Variants in DKK1 observed in about 807,000 individuals in gnomAD.
DKK1 encodes the protein dickkopf-related protein 1.
DKK1 carries 18 observed loss-of-function variants against 26.0 expected under a neutral mutation model. The ratio of observed to expected loss-of-function variants is 0.69; its 90% confidence interval spans 0.48 to 1.03. The LOEUF (loss-of-function observed/expected upper bound fraction) is 1.03, where lower values mean the gene tolerates loss of function less well. Among genes scored for constraint, DKK1 ranks in the 50% least tolerant of loss-of-function variants. DKK1 has a pLI of 0.00. For synonymous variants in DKK1, 130 were observed against 132.6 expected, an observed-to-expected ratio of 0.98 and a Z score of 0.13; for missense variants, 335 against 348.5, an observed-to-expected ratio of 0.96 and a Z score of 0.31.
At position 52,314,501 on chromosome 10, in the gene DKK1, G is replaced by A. The variant is rs1842596176; in HGVS notation, c.67G>A (p.Gly23Ser). 1.2e-6 allele frequency: 2 copies of A among 1,613,546 alleles called. No individual in the cohort carries two copies. The highest frequency in any genetic ancestry group is 1.7e-6 in the Non-Finnish European group (2 of 1,180,030). ...FVAMVAAALG[G>S]HPLLGVSATL... ...CGCGATGGTAGCGGCGGCTCTCGGC[G>A]GCCACCCTCTGCTGGGAGTGAGCGC... Residue 23 changes from glycine (G) to serine (S), a missense_variant, in exon 1 of 4, where the codon GGC (glycine) becomes AGC (serine). Physicochemically the swap from Gly to Ser is moderately conservative, Grantham distance 56 (BLOSUM62 0). Transcript: ENST00000373970. This position sits in a 1 kb window ranked among gnomAD's most constrained non-coding sequence, Gnocchi z 5.7.
Position 52,315,098 on chromosome 10 carries a change from A to C in DKK1, c.406+13A>C. 8.0e-6 allele frequency: 10 copies of C among 1,253,034 alleles called. No individual in the cohort carries two copies. The South Asian group carries it at 1.4e-4, about 18-fold the overall frequency. 77.6% of individuals were successfully genotyped at this position (1,253,034 alleles called of 1,614,324 possible). On this transcript the variant is annotated intron_variant, in intron 2 of 3. Coordinates refer to ENST00000373970, the MANE Select transcript of DKK1 (RefSeq NM_012242.4). ...TACTGCAAAAATGGTGAGTCCTGAAAGCTCCCTTTCACACTAAAACTGTCC... is the reference window on the plus strand; with the variant it reads ...TACTGCAAAAATGGTGAGTCCTGAACGCTCCCTTTCACACTAAAACTGTCC...
intron 2 of DKK1, 188 bp downstream of exon 2, chr10:52,315,273 T>C: frequency 2.0e-6 from 1 of 512,694 alleles, no homozygotes; most frequent in South Asian, 7.0e-5. Flanking sequence ...AAGTGTTTAA[T>C]CGGGAAGAAG....
chr10:52,316,930 A>T lies in DKK1; in HGVS notation c.*123A>T, dbSNP rs571514241. ...TGTGGTTTCAGTTAAGCATTCCAATAACACCTTCCAAAAACCTGGAGTGTA... is the reference window on the plus strand; with the variant it reads ...TGTGGTTTCAGTTAAGCATTCCAATTACACCTTCCAAAAACCTGGAGTGTA... On this transcript the variant is annotated 3_prime_UTR_variant, in exon 4 of 4. Coordinates refer to ENST00000373970, the MANE Select transcript of DKK1 (RefSeq NM_012242.4). 462 of 1,126,234 alleles carry T rather than the reference A, an allele frequency of 4.1e-4. 1 individual carries two copies. Among genetic ancestry groups the T allele is most frequent in the Non-Finnish European group, 5.5e-4 (439 of 800,830 alleles). The allele number at this position is 1,126,234 out of a possible 1,614,324, so 69.8% of individuals were successfully genotyped here.
At position 52,314,716 on chromosome 10, in the gene DKK1, G is replaced by C; in HGVS notation, c.243+39G>C. On this transcript the variant is annotated intron_variant, in intron 1 of 3. Coordinates refer to ENST00000373970, the MANE Select transcript of DKK1 (RefSeq NM_012242.4). This position sits in a 1 kb window ranked among gnomAD's most constrained non-coding sequence, Gnocchi z 5.7. Reference sequence around the variant, plus strand: ...GGCACTCAGAGGATGCTCTGACCTTGAAAGGGTCCTATCTGGAGACGAGGG... The same window carrying C: ...GGCACTCAGAGGATGCTCTGACCTTCAAAGGGTCCTATCTGGAGACGAGGG... The C allele has an allele frequency of 1.2e-6, 2 of 1,604,770 alleles. No homozygotes were observed. The highest frequency in any genetic ancestry group is 1.7e-6 in the Non-Finnish European group (2 of 1,174,878).
In DKK1 at chr10:52,317,162, G is replaced by A. The variant is rs533166613; in HGVS notation, c.*355G>A. 104 of 210,058 alleles carry A rather than the reference G, an allele frequency of 5.0e-4. No individual in the cohort carries two copies. Among genetic ancestry groups the A allele is most frequent in the African/African-American group, 2.1e-3 (90 of 42,670 alleles). 13.0% of individuals were successfully genotyped at this position (210,058 alleles called of 1,614,324 possible). A position where few individuals can be genotyped will look rare whatever the true frequency, so the allele number is the denominator to read the frequency against. ...GACAAATATTCTATATTGAACTGAA[G>A]TAAATCATTTCAGCTTATAGTTCTT... On this transcript the variant is annotated 3_prime_UTR_variant, in exon 4 of 4. Transcript: ENST00000373970.
chr10:52,315,323 G>A, intron 2 of DKK1: 1 of 392,200 alleles, frequency 2.5e-6, no homozygotes, highest in East Asian at 3.8e-5. Flanking sequence ...ATCTTCCTCC[G>A]TGTCCCTCAA....
intron 2 of DKK1, among the ~76,000 whole-genome samples, chr10:52,315,483 T>G (rs190398254): frequency 5.9e-5 from 9 of 152,300 alleles, no homozygotes; most frequent in Admixed American, 3.9e-4. Context: ...TCAGCTGTCC[T>G]TTTCATTTTT....
chr10:52,315,258 A>G (rs1842605963), intron 2 of DKK1, 173 bp downstream of exon 2: 1 of 551,622 alleles, frequency 1.8e-6, no homozygotes, highest in South Asian at 6.0e-5. Context: ...AAGTATCTTC[A>G]TTGCAAGTGT....
rs747445314 is a variant in DKK1 at position 52,314,398 on chromosome 10, A to AT, written c.-33dup. The AT allele has an allele frequency of 6.2e-7, 1 of 1,609,908 alleles. No homozygotes were observed. The highest frequency in any genetic ancestry group is 8.5e-7 in the Non-Finnish European group (1 of 1,177,668). ...GACCCAGGCTTGCAAAGTGACGGTC[A>AT]TTTTCTCTTTCTTTCTCCCTCTTGA... On this transcript the variant is annotated 5_prime_UTR_variant, in exon 1 of 4. Coordinates refer to ENST00000373970, the MANE Select transcript of DKK1 (RefSeq NM_012242.4). The surrounding 1 kb of genome is among the most constrained non-coding windows in gnomAD (Gnocchi z 5.7).
rs909067874 is a variant in DKK1, at chr10:52,316,696, A to G, written c.690A>G (p.Gly230=). Residue 230 remains glycine, a synonymous_variant, in exon 4 of 4, where the codon GGA becomes GGG. Transcript: ENST00000373970. ...AGCATAGGAGAAAAGGCTCTCATGGACTAGAAATATTCCAGCGTTGTTACT... is the reference window on the plus strand; with the variant it reads ...AGCATAGGAGAAAAGGCTCTCATGGGCTAGAAATATTCCAGCGTTGTTACT... ...CTKHRRKGSH[G]LEIFQRCYCG... The G allele has an allele frequency of 3.1e-6, 5 of 1,614,164 alleles. No individual in the cohort carries two copies. The highest frequency in any genetic ancestry group is 4.2e-6 in the Non-Finnish European group (5 of 1,179,998).
chr10:52,316,642 T>C lies in DKK1; in HGVS notation c.636T>C (p.Pro212=). 3 of 1,614,156 alleles carry C rather than the reference T, an allele frequency of 1.9e-6. No homozygotes were observed. The highest frequency in any genetic ancestry group is 2.5e-6 in the Non-Finnish European group (3 of 1,180,024). Reference sequence around the variant, plus strand: ...ACTTCTGGTCCAAGATCTGTAAACCTGTCCTGAAAGAAGGTCAAGTGTGTA... The same window carrying C: ...ACTTCTGGTCCAAGATCTGTAAACCCGTCCTGAAAGAAGGTCAAGTGTGTA... ...ARHFWSKICK[P]VLKEGQVCTK... is the part of the protein sequence containing the mutation. The change falls in exon 4 of 4, where the codon CCT becomes CCC. Residue 212 remains proline (P), a synonymous_variant. Coordinates refer to ENST00000373970, the MANE Select transcript of DKK1 (RefSeq NM_012242.4).
At position 52,314,935 on chromosome 10, in the gene DKK1, G is replaced by T. The variant is rs1019730155; in HGVS notation, c.256G>T (p.Ala86Ser). The stretch of plus-strand genomic sequence containing the variant: ...ACCCTTCCCACAGCCGTACCCGTGC[G>T]CAGAGGACGAGGAGTGCGGCACTGA... The part of the protein sequence containing the change: ...TIDNYQPYPC[A>S]EDEECGTDEY... The change falls in exon 2 of 4, where the codon GCA becomes TCA. Residue 86 changes from alanine to serine, a missense_variant. Coordinates refer to ENST00000373970, the MANE Select transcript of DKK1 (RefSeq NM_012242.4). The surrounding 1 kb of genome is among the most constrained non-coding windows in gnomAD (Gnocchi z 5.7). The T allele has an allele frequency of 5.2e-6, 8 of 1,544,020 alleles. No homozygotes were observed. The highest frequency in any genetic ancestry group is 2.7e-5 in the African/African-American group (2 of 73,148).
At position 52,317,050 on chromosome 10, in the gene DKK1, CTT is replaced by C; in HGVS notation, c.*246_*247del. The stretch of plus-strand genomic sequence containing the variant: ...GCACTTACCTGTAAATGCAATGAAA[CTT>C]TTAATTATTTTTCTAAAGGTGCTGC... On this transcript the variant is annotated 3_prime_UTR_variant, in exon 4 of 4. Transcript: ENST00000373970. The C allele has an allele frequency of 2.1e-6, 1 of 486,748 alleles. No homozygotes were observed. The highest frequency in any genetic ancestry group is 3.8e-5 in the Admixed American group (1 of 26,586). The allele number at this position is 486,748 out of a possible 1,614,324, so 30.2% of individuals were successfully genotyped here. A position where few individuals can be genotyped will look rare whatever the true frequency, so the allele number is the denominator to read the frequency against.
chr10:52,314,687 G>C lies in DKK1; in HGVS notation c.243+10G>C, dbSNP rs375749818. The stretch of plus-strand genomic sequence containing the variant: ...CATTGACAACTACCAGGTGAGAGGG[G>C]TCGGGCACTCAGAGGATGCTCTGAC... On this transcript the variant is annotated intron_variant, in intron 1 of 3. Coordinates refer to ENST00000373970, the MANE Select transcript of DKK1 (RefSeq NM_012242.4). This position sits in a 1 kb window ranked among gnomAD's most constrained non-coding sequence, Gnocchi z 5.7. 8.1e-6 allele frequency: 13 copies of C among 1,611,092 alleles called. No homozygotes were observed. The highest frequency in any genetic ancestry group is 1.0e-5 in the Non-Finnish European group (12 of 1,178,634).
chr10:52,316,259 A>C, intron 2 of DKK1, 36 bp from the exon 3 acceptor site: 1 of 1,611,108 alleles, frequency 6.2e-7, no homozygotes. Context: ...AATGCATTAC[A>C]ACCCTGAAGT....
At chr10:52,315,704 C>T in intron 2 of DKK1, among the ~76,000 whole-genome samples, 1 of 152,150 alleles carries the variant, frequency 6.6e-6, no homozygotes, top group African/African-American at 2.4e-5. Flanking sequence ...GATCCACTAA[C>T]TTTTAATTTT....
Position 52,314,946 on chromosome 10 carries a change from G to C in DKK1, c.267G>C (p.Glu89Asp). 6.4e-7 allele frequency: 1 copy of C among 1,562,536 alleles called. No homozygotes were observed. Among genetic ancestry groups the C allele is most frequent in the Non-Finnish European group, 8.7e-7 (1 of 1,147,474 alleles). ...NYQPYPCAEDEECGTDEYCAS... is the reference protein window; with the variant it reads ...NYQPYPCAEDDECGTDEYCAS... The stretch of plus-strand genomic sequence containing the variant: ...AGCCGTACCCGTGCGCAGAGGACGA[G>C]GAGTGCGGCACTGATGAGTACTGCG... The change falls in exon 2 of 4, where the codon GAG becomes GAC. Residue 89 changes from glutamate to aspartate, a missense_variant. By Grantham distance (45) the Glu-to-Asp change is conservative. Transcript: ENST00000373970. The surrounding 1 kb of genome is among the most constrained non-coding windows in gnomAD (Gnocchi z 5.7).
At position 52,316,939 on chromosome 10, in the gene DKK1, CA is replaced by C; in HGVS notation, c.*137del. The C allele has an allele frequency of 9.8e-7, 1 of 1,018,126 alleles. No homozygotes were observed. Among genetic ancestry groups the C allele is most frequent in the African/African-American group, 1.6e-5 (1 of 61,420 alleles). The allele number at this position is 1,018,126 out of a possible 1,614,324, so 63.1% of individuals were successfully genotyped here. A position where few individuals can be genotyped will look rare whatever the true frequency, so the allele number is the denominator to read the frequency against. On this transcript the variant is annotated 3_prime_UTR_variant, in exon 4 of 4. Coordinates refer to ENST00000373970, the MANE Select transcript of DKK1 (RefSeq NM_012242.4). ...AGTTAAGCATTCCAATAACACCTTCCAAAAACCTGGAGTGTAAGAGCTTTGT... is the reference window on the plus strand; with the variant it reads ...AGTTAAGCATTCCAATAACACCTTCCAAAACCTGGAGTGTAAGAGCTTTGT...
In DKK1 at chr10:52,316,872, T is replaced by C; in HGVS notation, c.*65T>C. Reference sequence around the variant, plus strand: ...GATGCTATGAAAACCTTTTATGACCTTCATCAACTCAATCCTAAGGATATA... The same window carrying C: ...GATGCTATGAAAACCTTTTATGACCCTCATCAACTCAATCCTAAGGATATA... On this transcript the variant is annotated 3_prime_UTR_variant, in exon 4 of 4. Transcript: ENST00000373970. 1.3e-6 allele frequency: 2 copies of C among 1,541,694 alleles called. No homozygotes were observed. Among genetic ancestry groups the C allele is most frequent in the South Asian group, 1.2e-5 (1 of 81,850 alleles).
Sources: allele counts gnomAD v4.1 joint callset (sites outside exome capture counted in the v4.1 genomes callset), GRCh38; gene constraint gnomAD v4.1.1; non-coding constraint Gnocchi (gnomAD v3.1); transcripts MANE v1.5; gene names NCBI Gene and HGNC (gene_info 2026-07-23, HGNC 2026-07-21).